CWC27: variants seen among roughly 807,000 people sequenced by gnomAD.
CWC27 encodes the protein spliceosome-associated protein CWC27 homolog.
CWC27 carries 47 observed loss-of-function variants against 63.6 expected under a neutral mutation model. The observed-to-expected ratio is 0.74, with a 90% confidence interval of 0.58 to 0.94. The LOEUF (loss-of-function observed/expected upper bound fraction) is 0.94, where lower values mean the gene tolerates loss of function less well. Among genes scored for constraint, CWC27 ranks in the 40% least tolerant of loss-of-function variants. The pLI is 0.00. For missense variants in CWC27, 495 were observed against 554.3 expected (o/e 0.89, Z 1.07); for synonymous variants, 175 against 179.8 (o/e 0.97, Z 0.22).
intron 11 of CWC27, among the ~76,000 whole-genome samples, chr5:64,948,279 A>T (rs943909384): frequency 2.6e-5 from 4 of 152,020 alleles, no homozygotes; most frequent in African/African-American, 9.7e-5. Context: ...AGAGTATATC[A>T]CATGTAATAA....
At chr5:64,896,972 G>A (rs1164013665) in intron 11 of CWC27, among the ~76,000 whole-genome samples, 1 of 152,110 alleles carries the variant, frequency 6.6e-6, no homozygotes, top group African/African-American at 2.4e-5. Flanking sequence ...AGCACTTTGG[G>A]AGGCTGAGGT....
rs886927869 is a variant in CWC27 at position 64,929,368 on chromosome 5, G to C, written c.1043-42335G>C. ...CCACCTGTTCTACAAAAAAAGAAAG[G>C]GGGGTGGGGAGAGGGCGGAAGAGTG... is the stretch of plus-strand genomic sequence containing the variant. On this transcript the variant is annotated intron_variant, in intron 11 of 13. Coordinates refer to ENST00000381070, the MANE Select transcript of CWC27 (RefSeq NM_005869.4). Among the ~76,000 whole-genome samples, 15 of 152,222 alleles carry C rather than the reference G, an allele frequency of 9.9e-5. 1 individual carries two copies. Among genetic ancestry groups the C allele is most frequent in the East Asian group, 1.9e-4 (1 of 5,182 alleles).
intron 11 of CWC27, among the ~76,000 whole-genome samples, chr5:64,970,830 T>A (rs1020755980): frequency 6.6e-6 from 1 of 152,156 alleles, no homozygotes; most frequent in African/African-American, 2.4e-5. Context: ...ATTCATGATG[T>A]TCCTCAAGCT....
At chr5:64,892,762 C>T (rs918819039) in intron 11 of CWC27, among the ~76,000 whole-genome samples, 2 of 151,924 alleles carry the variant, frequency 1.3e-5, no homozygotes, top group Non-Finnish European at 1.5e-5. Context: ...GAAAAATTCC[C>T]ACTATTTCAG....
At chr5:64,968,023 G>T (rs1007436136) in intron 11 of CWC27, among the ~76,000 whole-genome samples, 3 of 151,760 alleles carry the variant, frequency 2.0e-5, no homozygotes, top group Non-Finnish European at 4.4e-5. Context: ...ATTTGACAAA[G>T]GACTTGTATC....
chr5:64,888,251 A>G (rs754878316), intron 11 of CWC27, among the ~76,000 whole-genome samples: 1 of 149,192 alleles, frequency 6.7e-6, no homozygotes, highest in Non-Finnish European at 1.5e-5. Context: ...TGAAAAAAAT[A>G]AATAATAATA....
At chr5:64,959,296 T>C (rs1015809110) in intron 11 of CWC27, among the ~76,000 whole-genome samples, 1 of 152,116 alleles carries the variant, frequency 6.6e-6, no homozygotes, top group Non-Finnish European at 1.5e-5. Flanking sequence ...AAGGCTTTAG[T>C]CTCTGGTCAC....
intron 2 of CWC27, among the ~76,000 whole-genome samples, chr5:64,779,739 T>TA (rs1406877577): frequency 3.9e-5 from 6 of 152,300 alleles, no homozygotes; most frequent in African/African-American, 1.4e-4. Context: ...CCTTGAATTG[T>TA]AAACCCCATA....
At chr5:64,963,649 A>G (rs2112435714) in intron 11 of CWC27, among the ~76,000 whole-genome samples, 1 of 152,312 alleles carries the variant, frequency 6.6e-6, no homozygotes, top group African/African-American at 2.4e-5. Context: ...GGCTGTGTGT[A>G]CCCTGTAAAG....
intron 11 of CWC27, among the ~76,000 whole-genome samples, chr5:64,922,337 C>A (rs984475285): frequency 1.1e-4 from 16 of 151,560 alleles, no homozygotes; most frequent in African/African-American, 3.7e-4. Flanking sequence ...TTTTTACATT[C>A]TTTTTTCTTT....
chr5:64,968,511 T>C (rs1025944389), intron 11 of CWC27, among the ~76,000 whole-genome samples: 1 of 152,154 alleles, frequency 6.6e-6, no homozygotes, highest in African/African-American at 2.4e-5. Context: ...AGTATATCCA[T>C]GCTATGAAAT....
chr5:64,785,997 T>C (rs566995910), intron 5 of CWC27, among the ~76,000 whole-genome samples: 1 of 151,724 alleles, frequency 6.6e-6, no homozygotes, highest in East Asian at 1.9e-4. Flanking sequence ...ACCCTGTGTC[T>C]ACTAAAAATA....
intron 2 of CWC27, among the ~76,000 whole-genome samples, chr5:64,779,324 T>A (rs1743574372): frequency 6.6e-6 from 1 of 152,246 alleles, no homozygotes; most frequent in Non-Finnish European, 1.5e-5. Flanking sequence ...CCTAACTCGA[T>A]GATTGGCTCA....
intron 10 of CWC27, among the ~76,000 whole-genome samples, chr5:64,812,998 G>A (rs1179933357): frequency 6.6e-6 from 1 of 152,080 alleles, no homozygotes; most frequent in African/African-American, 2.4e-5. Flanking sequence ...TCAAATATCA[G>A]CAATTTCATA....
intron 10 of CWC27, among the ~76,000 whole-genome samples, chr5:64,846,562 A>C (rs1021439314): frequency 1.3e-5 from 2 of 152,206 alleles, no homozygotes; most frequent in Non-Finnish European, 2.9e-5. Context: ...ACAAAGCAAA[A>C]ATCTTTAGTG....
chr5:64,940,842 C>CTTTT (rs70983655), intron 11 of CWC27, among the ~76,000 whole-genome samples: 597 of 64,848 alleles, frequency 9.2e-3, no homozygotes, highest in Non-Finnish European at 0.012. Flanking sequence ...TTCTTTCTTT[C>CTTTT]TTTTTTTTTT....
rs192933644 is a variant in CWC27, at chr5:65,004,251, A to G, written c.1257-13908A>G. ...CCTTCCTATGCCTCTTGTAAGACTT[A>G]TGAGTTTTTCTGCTCAGCTATTACT... On this transcript the variant is annotated intron_variant, in intron 13 of 13. Coordinates refer to ENST00000381070, the MANE Select transcript of CWC27 (RefSeq NM_005869.4). 1.6e-3 allele frequency among the ~76,000 whole-genome samples: 236 copies of G among 152,062 alleles called. 1 individual carries two copies. The highest frequency in any genetic ancestry group is 5.3e-3 in the African/African-American group (221 of 41,476).
At position 64,833,129 on chromosome 5, in the gene CWC27, C is replaced by A. The variant is rs540030915; in HGVS notation, c.938+28743C>A. ...AGAACAGTAACTGGTAGATGGTAAG[C>A]CCACGTATTTCCAAATTATTTTGTA... is the stretch of plus-strand genomic sequence containing the variant. On this transcript the variant is annotated intron_variant, in intron 10 of 13. Coordinates refer to ENST00000381070, the MANE Select transcript of CWC27 (RefSeq NM_005869.4). Among the ~76,000 whole-genome samples, 3 of 151,824 alleles carry A rather than the reference C, an allele frequency of 2.0e-5. No individual in the cohort carries two copies. In the East Asian group the frequency reaches 5.8e-4, roughly 29 times the overall value.
chr5:65,015,782 A>T (rs1473848560), intron 13 of CWC27, among the ~76,000 whole-genome samples: 1 of 152,230 alleles, frequency 6.6e-6, no homozygotes, highest in Non-Finnish European at 1.5e-5. Flanking sequence ...CTCCAAGCAA[A>T]GCAGGCTGCA....
Sources: gnomAD v4.1 joint callset for allele counts (sites outside exome capture counted in the v4.1 genomes callset) on GRCh38, gnomAD v4.1.1 for gene constraint, MANE v1.5 for transcripts, NCBI Gene and HGNC (gene_info 2026-07-23, HGNC 2026-07-21) for gene names.